The following PLA2G5 variants were observed in gnomAD, a reference collection of about 807,000 sequenced individuals.
PLA2G5 encodes the protein phospholipase A2 group V.
PLA2G5 carries 12 observed loss-of-function variants against 15.9 expected under a neutral mutation model. The observed-to-expected ratio is 0.76, with a 90% CI of 0.48 to 1.23. The LOEUF (loss-of-function observed/expected upper bound fraction) is 1.23, where lower values mean the gene tolerates loss of function less well. PLA2G5 is among the 50% of genes most tolerant of loss of function. The probability of loss-of-function intolerance (pLI) is 0.00; values close to 1 mark genes in which losing one functional copy is unlikely to be tolerated. For synonymous variants in PLA2G5, 71 were observed against 71.4 expected (o/e 0.99, Z 0.03); for missense variants, 169 against 177.1 (o/e 0.95, Z 0.26).
intron 1 of PLA2G5, among the ~76,000 whole-genome samples, chr1:20,078,460 GA>G (rs1380881292): frequency 2.0e-5 from 3 of 151,958 alleles, no homozygotes; most frequent in African/African-American, 7.3e-5. Context: ...AAGAAGAAAC[GA>G]AAATACAGGA....
At chr1:20,077,805 C>T (rs990270677) in intron 1 of PLA2G5, among the ~76,000 whole-genome samples, 2 of 152,192 alleles carry the variant, frequency 1.3e-5, no homozygotes, top group Non-Finnish European at 2.9e-5. Flanking sequence ...GTCTCTCCTA[C>T]GTTGGATCTT....
At chr1:20,072,539 G>T (rs1452919531) in intron 1 of PLA2G5, among the ~76,000 whole-genome samples, 1 of 152,128 alleles carries the variant, frequency 6.6e-6, no homozygotes, top group Non-Finnish European at 1.5e-5. Flanking sequence ...TGAGTTTAAG[G>T]AACTAAAAGC....
chr1:20,089,298 C>G lies in PLA2G5; in HGVS notation c.186-491C>G, dbSNP rs146585475. On this transcript the variant is annotated intron_variant, in intron 3 of 4. Coordinates refer to ENST00000375108, the MANE Select transcript of PLA2G5 (RefSeq NM_000929.3). ...ATCCACAGATGTGGGACCTGTGATA[C>G]GAGAAGTTTATTTCTGGATCACATA... 8.0e-4 allele frequency among the ~76,000 whole-genome samples: 122 copies of G among 152,302 alleles called. 2 individuals are homozygous for G. The East Asian group carries it at 0.022, about 28-fold the overall frequency.
rs74422736 is a variant in PLA2G5, at chr1:20,038,351, C to A, written n.276+9642C>A. Among the ~76,000 whole-genome samples, 3,166 of 152,230 alleles carry A rather than the reference C, an allele frequency of 0.021. 253 individuals carry two copies. The East Asian group carries it at 0.25, about 12-fold the overall frequency. On this transcript the variant is annotated intron_variant and non_coding_transcript_variant, in intron 1 of 6. Transcript: ENST00000460175. ...AAGATTTAACTGGAAGTTTCCTTCTCCCTGTGATCTTTCCCCAATTACACT... is the reference window on the plus strand; with the variant it reads ...AAGATTTAACTGGAAGTTTCCTTCTACCTGTGATCTTTCCCCAATTACACT...
chr1:20,064,760 C>T (rs1367339977), intron 2 of PLA2G5, among the ~76,000 whole-genome samples: 4 of 152,022 alleles, frequency 2.6e-5, no homozygotes, highest in East Asian at 1.9e-4. Flanking sequence ...AAACAGAGTA[C>T]AAAGGGTGGA....
intron 4 of PLA2G5, 80 bp downstream of exon 4, chr1:20,089,975 G>T: frequency 1.0e-6 from 1 of 971,078 alleles, no homozygotes. Flanking sequence ...CAGCCAGCCT[G>T]TATCTTGTTG....
At chr1:20,084,912 A>G (rs2016207580) in intron 2 of PLA2G5, 42 bp downstream of exon 2, 2 of 1,411,572 alleles carry the variant, frequency 1.4e-6, no homozygotes, top group Admixed American at 1.7e-5. Context: ...CTTTTACCCC[A>G]TGGGAGTAAC....
intron 1 of PLA2G5, among the ~76,000 whole-genome samples, chr1:20,081,514 C>T (rs370712719): frequency 7.9e-5 from 12 of 151,984 alleles, no homozygotes; most frequent in East Asian, 5.8e-4. Context: ...AAGCATCGCC[C>T]AGGGCCTTTG....
chr1:20,049,305 T>C (rs1299712734), intron 1 of PLA2G5, among the ~76,000 whole-genome samples: 2 of 152,180 alleles, frequency 1.3e-5, no homozygotes, highest in East Asian at 1.9e-4. Flanking sequence ...AAGTTGTCTA[T>C]AATTAAAGGA....
rs2016547724 is a variant in PLA2G5, at chr1:20,091,108, T to C, written c.*416T>C. On this transcript the variant is annotated 3_prime_UTR_variant, in exon 5 of 5. Transcript: ENST00000375108. ...GAATTTTTACGCAAGAAGAGCCAAA[T>C]TGACTCTCTAAATCTGGTGTATGGG... The C allele has an allele frequency of 6.0e-6, 1 of 165,486 alleles. No individual in the cohort carries two copies. The highest frequency in any genetic ancestry group is 1.3e-5 in the Non-Finnish European group (1 of 76,166). 10.3% of individuals were successfully genotyped at this position (165,486 alleles called of 1,614,324 possible).
At chr1:20,041,396 G>C (rs988490939) in intron 1 of PLA2G5, among the ~76,000 whole-genome samples, 48 of 152,282 alleles carry the variant, frequency 3.2e-4, no homozygotes, top group Middle Eastern at 3.4e-3. Context: ...GGGAGATAGG[G>C]GTGGGGCAGT....
chr1:20,043,886 A>G (rs977384713), intron 1 of PLA2G5, among the ~76,000 whole-genome samples: 3 of 152,160 alleles, frequency 2.0e-5, no homozygotes, highest in Non-Finnish European at 4.4e-5. Context: ...TGTGAGAGTT[A>G]CCTGAAGCTA....
intron 1 of PLA2G5, among the ~76,000 whole-genome samples, chr1:20,036,269 A>T (rs55856527): frequency 0.33 from 50,653 of 151,968 alleles, 8,559 homozygotes; most frequent in Admixed American, 0.39. Flanking sequence ...AGCTTTTTGT[A>T]TGTGGAAGTC....
chr1:20,052,396 T>C (rs1214482703), intron 1 of PLA2G5, among the ~76,000 whole-genome samples: 4 of 152,202 alleles, frequency 2.6e-5, no homozygotes, highest in South Asian at 2.1e-4. Context: ...GAACTGAAGA[T>C]GGACAATTCA....
intron 1 of PLA2G5, among the ~76,000 whole-genome samples, chr1:20,033,188 G>A (rs955326398): frequency 1.4e-4 from 21 of 152,168 alleles, no homozygotes; most frequent in Non-Finnish European, 2.5e-4. Context: ...TTGGATTCTA[G>A]GAGTTTGTTT....
chr1:20,052,964 G>A (rs1016110571), intron 1 of PLA2G5, among the ~76,000 whole-genome samples: 2 of 152,116 alleles, frequency 1.3e-5, no homozygotes, highest in Non-Finnish European at 2.9e-5. Flanking sequence ...AAATTGTCCT[G>A]CCTTTTCTTT....
At chr1:20,079,900 G>C (rs922733033) in intron 1 of PLA2G5, among the ~76,000 whole-genome samples, 9 of 152,140 alleles carry the variant, frequency 5.9e-5, no homozygotes, top group African/African-American at 2.2e-4. Flanking sequence ...GCCAAAAAAG[G>C]GCTACCACCT....
chr1:20,076,754 C>G (rs1194909270), intron 1 of PLA2G5: 4 of 152,236 alleles, frequency 2.6e-5, no homozygotes, highest in Non-Finnish European at 5.9e-5. Flanking sequence ...GTAATCCCCT[C>G]CAACAGGAAA....
upstream of PLA2G5, chr1:20,068,891 G>A (rs1015117622): frequency 1.6e-6 from 2 of 1,272,228 alleles, no homozygotes; most frequent in Non-Finnish European, 2.1e-6. Context: ...ACAGAAGCCT[G>A]AGGGAACACA....
Sources: allele counts gnomAD v4.1 joint callset (sites outside exome capture counted in the v4.1 genomes callset), GRCh38; gene constraint gnomAD v4.1.1; transcripts MANE v1.5; gene names NCBI Gene and HGNC (gene_info 2026-07-23, HGNC 2026-07-21).